The following GOLGB1 variants were observed in gnomAD, a reference collection of about 807,000 sequenced individuals.
GOLGB1 encodes the protein golgin B1, also known as golgin subfamily B member 1.
A neutral mutation model predicts 336.9 loss-of-function variants in GOLGB1; 174 were observed. The observed-to-expected ratio is 0.52, with a 90% confidence interval of 0.46 to 0.59. GOLGB1 has a LOEUF of 0.59. Among genes scored for constraint, GOLGB1 ranks in the 20% least tolerant of loss-of-function variants. The pLI, the probability that GOLGB1 is intolerant of heterozygous loss-of-function variation, is 0.00. For synonymous variants in GOLGB1, 1,208 were observed against 1,289.2 expected (o/e 0.94, Z 1.35); for missense variants, 3,331 against 3,645.3 (o/e 0.91, Z 2.22).
chr3:121,692,644 C>A, intron 13 of GOLGB1, 63 bp from the exon 14 acceptor site: 1 of 872,814 alleles, frequency 1.1e-6, no homozygotes, highest in Non-Finnish European at 1.8e-6. Context: ...TCCCAAGGAA[C>A]AAATACTATA....
chr3:121,685,093 G>A (rs575934061), intron 14 of GOLGB1, among the ~76,000 whole-genome samples: 1 of 152,006 alleles, frequency 6.6e-6, no homozygotes, highest in Non-Finnish European at 1.5e-5. Flanking sequence ...TATTAATCTG[G>A]GAAAAACAGA....
At chr3:121,726,892 T>C (rs758780934) in intron 5 of GOLGB1, 21 bp downstream of exon 5, 9 of 1,551,380 alleles carry the variant, frequency 5.8e-6, no homozygotes, top group Non-Finnish European at 7.8e-6. Context: ...CTAATGATTA[T>C]GAAGTAACTT....
rs760572117 is a variant in GOLGB1, at chr3:121,691,957, T to C, written c.7407A>G (p.Lys2469=). The change falls in exon 14 of 22, where the codon AAA becomes AAG. Residue 2469 remains lysine, a synonymous_variant. Transcript: ENST00000614479. Reference sequence around the variant, plus strand: ...GATCATTTTGGAGAGAAGACATGGATTTAACAAAGGAATCCAACTGTGCCT... The same window carrying C: ...GATCATTTTGGAGAGAAGACATGGACTTAACAAAGGAATCCAACTGTGCCT... The part of the protein sequence containing the change: ...QQKAQLDSFV[K]SMSSLQNDRD... The C allele has an allele frequency of 6.2e-7, 1 of 1,614,184 alleles. No homozygotes were observed. Among genetic ancestry groups the C allele is most frequent in the Non-Finnish European group, 8.5e-7 (1 of 1,180,010 alleles).
At chr3:121,680,826 C>T (rs369099547) in intron 15 of GOLGB1, among the ~76,000 whole-genome samples, 5 of 151,956 alleles carry the variant, frequency 3.3e-5, no homozygotes, top group African/African-American at 1.2e-4. Flanking sequence ...AATTAGAAAA[C>T]GGACAAAAGA....
At chr3:121,677,735 G>C (rs1031980930) in intron 15 of GOLGB1, among the ~76,000 whole-genome samples, 3 of 152,140 alleles carry the variant, frequency 2.0e-5, no homozygotes, top group African/African-American at 7.2e-5. Flanking sequence ...AAGAAGAAAG[G>C]CTGCAGGAAA....
intron 10 of GOLGB1, among the ~76,000 whole-genome samples, chr3:121,710,888 A>G (rs562553273): frequency 2.7e-4 from 18 of 65,744 alleles, no homozygotes; most frequent in African/African-American, 3.8e-4. Context: ...TTAAAAAAAG[A>G]AAAAAAAAAG....
chr3:121,728,243 T>C (rs1945821424), intron 4 of GOLGB1, among the ~76,000 whole-genome samples: 1 of 152,172 alleles, frequency 6.6e-6, no homozygotes, highest in Admixed American at 6.5e-5. Flanking sequence ...GAAAGTAATG[T>C]TCTCTGATCA....
chr3:121,727,996 G>T (rs115004053), intron 4 of GOLGB1, among the ~76,000 whole-genome samples: 2,303 of 152,178 alleles, frequency 0.015, 61 homozygotes, highest in African/African-American at 0.052. Flanking sequence ...AGCTAAAAAT[G>T]AAATTAAAAA....
chr3:121,732,050 T>G (rs1946157622), intron 1 of GOLGB1, among the ~76,000 whole-genome samples: 1 of 152,136 alleles, frequency 6.6e-6, no homozygotes, highest in African/African-American at 2.4e-5. Flanking sequence ...CCCTATACTT[T>G]TAAGTTCATC....
rs1938167886 is a variant in GOLGB1 at position 121,663,248 on chromosome 3, C to T, written c.*1232G>A. Reference sequence around the variant, plus strand: ...TATTTTACAGTTGTTCAGGAAACTTCCCAGGATGTTGTAACCAAGATTTAA... The same window carrying T: ...TATTTTACAGTTGTTCAGGAAACTTTCCAGGATGTTGTAACCAAGATTTAA... On this transcript the variant is annotated 3_prime_UTR_variant, in exon 22 of 22. Coordinates refer to ENST00000614479, the MANE Select transcript of GOLGB1 (RefSeq NM_001366282.2). 1 of 152,148 alleles carries T rather than the reference C, an allele frequency of 6.6e-6. No homozygotes were observed. The highest frequency in any genetic ancestry group is 6.5e-5 in the Admixed American group (1 of 15,270). 9.4% of individuals were successfully genotyped at this position (152,148 alleles called of 1,614,324 possible).
chr3:121,706,901 A>G (rs1943903799), intron 10 of GOLGB1, among the ~76,000 whole-genome samples: 3 of 152,010 alleles, frequency 2.0e-5, no homozygotes, highest in Admixed American at 2.0e-4. Flanking sequence ...AGATGTCTTC[A>G]GACAAAAAGT....
intron 9 of GOLGB1, among the ~76,000 whole-genome samples, chr3:121,715,446 A>G (rs1944685283): frequency 6.9e-6 from 1 of 144,544 alleles, no homozygotes; most frequent in Non-Finnish European, 1.5e-5. Flanking sequence ...CGAACTCCTG[A>G]CCTCAGGTAA....
intron 4 of GOLGB1, among the ~76,000 whole-genome samples, chr3:121,727,321 T>TATATAAA (rs1491103201): frequency 3.4e-5 from 1 of 29,036 alleles, no homozygotes. Flanking sequence ...TATATATATA[T>TATATAAA]TTTTTTTTTT....
intron 1 of GOLGB1, among the ~76,000 whole-genome samples, chr3:121,736,413 G>C (rs1355916256): frequency 2.0e-5 from 3 of 152,090 alleles, no homozygotes; most frequent in African/African-American, 7.2e-5. Flanking sequence ...TGATGAGAAG[G>C]GTACTTTACC....
chr3:121,715,805 C>G (rs950946978), intron 9 of GOLGB1, among the ~76,000 whole-genome samples: 1 of 151,986 alleles, frequency 6.6e-6, no homozygotes, highest in Non-Finnish European at 1.5e-5. Context: ...CCAGCCTGAC[C>G]AACACGGAGA....
intron 17 of GOLGB1, among the ~76,000 whole-genome samples, chr3:121,669,610 C>T (rs1169492561): frequency 6.6e-6 from 1 of 151,988 alleles, no homozygotes; most frequent in Admixed American, 6.5e-5. Flanking sequence ...GTGCCCAGTA[C>T]ATTAACTGAA....
chr3:121,739,757 G>C (rs1204736131), intron 1 of GOLGB1, among the ~76,000 whole-genome samples: 5 of 152,170 alleles, frequency 3.3e-5, no homozygotes. Flanking sequence ...AAGAGAACCT[G>C]CTGTATATAA....
intron 15 of GOLGB1, among the ~76,000 whole-genome samples, chr3:121,680,630 C>T (rs992425839): frequency 2.0e-5 from 3 of 151,990 alleles, no homozygotes; most frequent in African/African-American, 7.2e-5. Flanking sequence ...ATAGAAAATA[C>T]CAAATCTGAA....
Position 121,694,763 on chromosome 3 carries a change from T to G in GOLGB1, c.5760A>C (p.Ala1920=). 6.2e-7 allele frequency: 1 copy of G among 1,612,922 alleles called. No individual in the cohort carries two copies. The highest frequency in any genetic ancestry group is 2.2e-5 in the East Asian group (1 of 44,874). ...LSRVTKLKET[A]EEEKDDLEER... Reference sequence around the variant, plus strand: ...CTTCCAAATCATCTTTCTCTTCTTCTGCTGTCTCCTTTAGTTTGGTAACTC... The same window carrying G: ...CTTCCAAATCATCTTTCTCTTCTTCGGCTGTCTCCTTTAGTTTGGTAACTC... Residue 1920 remains alanine (A), a synonymous_variant, in exon 13 of 22, where the codon GCA becomes GCC. Coordinates refer to ENST00000614479, the MANE Select transcript of GOLGB1 (RefSeq NM_001366282.2).
Sources: gnomAD v4.1 joint callset for allele counts (sites outside exome capture counted in the v4.1 genomes callset) on GRCh38, gnomAD v4.1.1 for gene constraint, MANE v1.5 for transcripts, NCBI Gene and HGNC (gene_info 2026-07-23, HGNC 2026-07-21) for gene names.